Variants in ERC1 observed in about 807,000 individuals in gnomAD.
The protein encoded by ERC1 is ELKS/RAB6-interacting/CAST family member 1, also known as RAB6 interacting protein 2.
A neutral mutation model predicts 132.0 loss-of-function variants in ERC1; 56 were observed. That is an observed-to-expected ratio of 0.42 (90% CI 0.34 to 0.53). ERC1 has a LOEUF of 0.53. Among genes scored for constraint, ERC1 ranks in the 20% least tolerant of loss-of-function variants. The probability of loss-of-function intolerance (pLI) is 0.03; values close to 1 mark genes in which losing one functional copy is unlikely to be tolerated. For missense variants in ERC1, 1,202 were observed against 1,349.9 expected (o/e 0.89, Z 1.72); for synonymous variants, 478 against 476.1 (o/e 1.00, Z -0.05).
chr12:1,274,692 C>G (rs2078136644), intron 14 of ERC1, among the ~76,000 whole-genome samples: 1 of 152,036 alleles, frequency 6.6e-6, no homozygotes, highest in Non-Finnish European at 1.5e-5. Flanking sequence ...GGGATTCCAG[C>G]ATGTTTTTCA....
intron 12 of ERC1, among the ~76,000 whole-genome samples, chr12:1,230,372 T>G (rs1171686448): frequency 3.9e-5 from 6 of 152,238 alleles, no homozygotes; most frequent in Non-Finnish European, 7.3e-5. Context: ...TTACTTTCCA[T>G]GTATTTGTGA....
intron 8 of ERC1, among the ~76,000 whole-genome samples, chr12:1,178,778 A>G (rs1288255577): frequency 6.6e-6 from 1 of 152,160 alleles, no homozygotes; most frequent in Non-Finnish European, 1.5e-5. Flanking sequence ...TCTCTGCCCT[A>G]CACTATGTTG....
chr12:1,402,259 G>C (rs575057061), intron 16 of ERC1, among the ~76,000 whole-genome samples: 5 of 152,160 alleles, frequency 3.3e-5, no homozygotes, highest in Admixed American at 6.5e-5. Flanking sequence ...GGCTGGGCAC[G>C]GTGGCTCACG....
At chr12:1,123,123 T>G (rs1282780659) in intron 7 of ERC1, among the ~76,000 whole-genome samples, 1 of 152,134 alleles carries the variant, frequency 6.6e-6, no homozygotes, top group Non-Finnish European at 1.5e-5. Context: ...GAAGTTACAT[T>G]AAGTTACTTA....
At chr12:1,364,918 A>C (rs2086511480) in intron 15 of ERC1, among the ~76,000 whole-genome samples, 1 of 152,192 alleles carries the variant, frequency 6.6e-6, no homozygotes, top group African/African-American at 2.4e-5. Flanking sequence ...AATACACTAG[A>C]TGTTCCTTTT....
At chr12:1,306,789 A>G (rs764838165) in intron 15 of ERC1, among the ~76,000 whole-genome samples, 4 of 152,202 alleles carry the variant, frequency 2.6e-5, no homozygotes, top group Middle Eastern at 3.4e-3. Context: ...CCAGACATCT[A>G]TACATGTTTC....
chr12:1,357,678 A>G (rs2085673805), intron 15 of ERC1, among the ~76,000 whole-genome samples: 1 of 152,252 alleles, frequency 6.6e-6, no homozygotes. Context: ...TTTTCTGTTC[A>G]TATTACATAC....
Position 1,155,633 on chromosome 12 carries a change from C to T in ERC1, c.1737+13846C>T, listed in dbSNP as rs191842684. 2.6e-3 allele frequency among the ~76,000 whole-genome samples: 396 copies of T among 152,122 alleles called. 1 individual carries two copies. Among genetic ancestry groups the T allele is most frequent in the African/African-American group, 8.3e-3 (344 of 41,512 alleles). ...CTGGGACCACAGGCACGTGCCACCA[C>T]GCCCGGCTAATTTTTTGTATTTTTA... On this transcript the variant is annotated intron_variant, in intron 8 of 18. Transcript: ENST00000360905.
At position 1,161,470 on chromosome 12, in the gene ERC1, C is replaced by T. The variant is rs372620358; in HGVS notation, c.1738-19070C>T. On this transcript the variant is annotated intron_variant, in intron 8 of 18. Coordinates refer to ENST00000360905, the MANE Select transcript of ERC1 (RefSeq NM_178040.4). ...TCTGGTAGAGCTCTGCATATGAATGCCGTTTCTGTCTCATTACGAACTCTG... is the reference window on the plus strand; with the variant it reads ...TCTGGTAGAGCTCTGCATATGAATGTCGTTTCTGTCTCATTACGAACTCTG... Among the ~76,000 whole-genome samples the T allele has an allele frequency of 6.6e-5, 10 of 152,304 alleles. No individual in the cohort carries two copies. In the South Asian group the frequency reaches 1.0e-3, roughly 16 times the overall value.
At chr12:1,440,483 G>A (rs1271761838) in intron 17 of ERC1, among the ~76,000 whole-genome samples, 1 of 149,738 alleles carries the variant, frequency 6.7e-6, no homozygotes, top group Non-Finnish European at 1.5e-5. Flanking sequence ...TGCGATTACA[G>A]GTGTGAGCCA....
intron 8 of ERC1, among the ~76,000 whole-genome samples, chr12:1,147,905 TA>T (rs1220232117): frequency 3.3e-5 from 5 of 152,174 alleles, no homozygotes; most frequent in Admixed American, 2.6e-4. Flanking sequence ...TCATAAGTGT[TA>T]GGGGCATATA....
chr12:1,412,215 T>C (rs1036222833), intron 17 of ERC1, among the ~76,000 whole-genome samples: 2 of 152,222 alleles, frequency 1.3e-5, no homozygotes, highest in African/African-American at 4.8e-5. Context: ...TTCTCCTGTT[T>C]CCTCACTAAT....
At chr12:1,333,740 A>G (rs1595060362) in intron 15 of ERC1, among the ~76,000 whole-genome samples, 4 of 152,304 alleles carry the variant, frequency 2.6e-5, no homozygotes, top group Admixed American at 2.6e-4. Context: ...TTATAATAGA[A>G]CAATTTATAT....
intron 18 of ERC1, among the ~76,000 whole-genome samples, chr12:1,456,450 C>G (rs2093536950): frequency 6.6e-6 from 1 of 152,032 alleles, no homozygotes; most frequent in Non-Finnish European, 1.5e-5. Flanking sequence ...GGCCACCTTA[C>G]CCCTAGCTGC....
chr12:1,112,090 G>A (rs949101224), intron 5 of ERC1, 125 bp from the exon 6 acceptor site: 6 of 651,796 alleles, frequency 9.2e-6, no homozygotes, highest in African/African-American at 9.1e-5. Flanking sequence ...GAGGGAATGA[G>A]GGGAACAGAT....
At chr12:1,420,457 ATTTG>A (rs781204543) in intron 17 of ERC1, among the ~76,000 whole-genome samples, 34 of 136,594 alleles carry the variant, frequency 2.5e-4, no homozygotes, top group South Asian at 1.2e-3. Context: ...TTATTTATTT[ATTTG>A]TTTATTTATT....
At chr12:1,309,767 A>G (rs1295446176) in intron 15 of ERC1, among the ~76,000 whole-genome samples, 1 of 150,176 alleles carries the variant, frequency 6.7e-6, no homozygotes, top group Non-Finnish European at 1.5e-5. Context: ...ACTGACGGAA[A>G]CTAGTTAAGG....
intron 11 of ERC1, among the ~76,000 whole-genome samples, chr12:1,183,769 C>T (rs569011191): frequency 6.8e-6 from 1 of 146,400 alleles, no homozygotes; most frequent in African/African-American, 2.8e-5. Flanking sequence ...AATTCCAGCT[C>T]CTTGGGAGGT....
At chr12:1,419,090 T>C (rs2092318686) in intron 17 of ERC1, among the ~76,000 whole-genome samples, 1 of 151,834 alleles carries the variant, frequency 6.6e-6, no homozygotes, top group Admixed American at 6.6e-5. Flanking sequence ...CTCTTGCTAG[T>C]CTCTGTTATA....
Sources: allele counts gnomAD v4.1 joint callset (sites outside exome capture counted in the v4.1 genomes callset), GRCh38; gene constraint gnomAD v4.1.1; transcripts MANE v1.5; gene names NCBI Gene and HGNC (gene_info 2026-07-23, HGNC 2026-07-21).